Variants in GPC6 observed in about 807,000 individuals in gnomAD.
GPC6 encodes the protein glypican-6.
A neutral mutation model predicts 55.2 loss-of-function variants in GPC6; 14 were observed. That is an observed-to-expected ratio of 0.25 (90% CI 0.17 to 0.40). The LOEUF (loss-of-function observed/expected upper bound fraction) is 0.40, where lower values mean the gene tolerates loss of function less well. GPC6 is among the 10% of genes least tolerant of loss of function. The pLI, the probability that GPC6 is intolerant of heterozygous loss-of-function variation, is 1.00. For synonymous variants in GPC6, 278 were observed against 259.6 expected (o/e 1.07, Z -0.68); for missense variants, 641 against 708.5 (o/e 0.90, Z 1.08).
chr13:93,713,378 G>A (rs185147058), intron 2 of GPC6, among the ~76,000 whole-genome samples: 2 of 151,328 alleles, frequency 1.3e-5, no homozygotes, highest in Non-Finnish European at 3.0e-5. Context: ...CTTTTAAAAA[G>A]CCAATAAAAT....
intron 2 of GPC6, among the ~76,000 whole-genome samples, chr13:93,769,447 A>AG: frequency 6.6e-6 from 1 of 151,348 alleles, no homozygotes; most frequent in East Asian, 1.9e-4. Flanking sequence ...AAAAAAAAAA[A>AG]AGACAGCCCC....
At chr13:93,704,982 C>G (rs1304544949) in intron 2 of GPC6, among the ~76,000 whole-genome samples, 1 of 151,884 alleles carries the variant, frequency 6.6e-6, no homozygotes, top group African/African-American at 2.4e-5. Context: ...AGTCCCTGTT[C>G]CTTGGCCTGA....
intron 3 of GPC6, among the ~76,000 whole-genome samples, chr13:93,938,654 C>T (rs756505647): frequency 5.2e-4 from 79 of 152,088 alleles, no homozygotes; most frequent in Non-Finnish European, 8.4e-4. Context: ...GTTCTAAGAG[C>T]TTTTGGAGGT....
At chr13:93,862,867 C>T (rs1296464368) in intron 3 of GPC6, among the ~76,000 whole-genome samples, 1 of 151,504 alleles carries the variant, frequency 6.6e-6, no homozygotes, top group Non-Finnish European at 1.5e-5. Flanking sequence ...TTTTTTCTCT[C>T]TCTGGTTAGA....
rs944335448 is a variant in GPC6 at position 93,747,220 on chromosome 13, A to G, written c.320-82934A>G. On this transcript the variant is annotated intron_variant, in intron 2 of 8. Coordinates refer to ENST00000377047, the MANE Select transcript of GPC6 (RefSeq NM_005708.5). Reference sequence around the variant, plus strand: ...CATTAATAAAGTTTACAGAAAAGAAATTGGTGGAGGCCTTTGCCACTATCA... The same window carrying G: ...CATTAATAAAGTTTACAGAAAAGAAGTTGGTGGAGGCCTTTGCCACTATCA... Among the ~76,000 whole-genome samples the G allele has an allele frequency of 2.6e-5, 4 of 152,302 alleles. No individual in the cohort carries two copies. In the East Asian group the frequency reaches 7.7e-4, roughly 29 times the overall value.
At chr13:93,448,530 G>A (rs1220626000) in intron 1 of GPC6, among the ~76,000 whole-genome samples, 1 of 152,090 alleles carries the variant, frequency 6.6e-6, no homozygotes, top group African/African-American at 2.4e-5. Context: ...CTTTCATGGA[G>A]GATATTTTTC....
At chr13:93,433,824 G>GA (rs1403195186) in intron 1 of GPC6, among the ~76,000 whole-genome samples, 1 of 152,056 alleles carries the variant, frequency 6.6e-6, no homozygotes, top group Non-Finnish European at 1.5e-5. Context: ...CAGATTATAG[G>GA]ACATGAATTT....
intron 4 of GPC6, among the ~76,000 whole-genome samples, chr13:94,060,244 C>T (rs1884273892): frequency 1.3e-5 from 2 of 152,082 alleles, no homozygotes; most frequent in South Asian, 4.1e-4. Flanking sequence ...TTCTTTTATC[C>T]ATAGTACATA....
chr13:93,762,167 G>C (rs1884977005), intron 2 of GPC6, among the ~76,000 whole-genome samples: 1 of 152,082 alleles, frequency 6.6e-6, no homozygotes, highest in Admixed American at 6.6e-5. Flanking sequence ...CTTAATGTAA[G>C]GTTCATCCAT....
chr13:94,104,230 T>A (rs1030050493), intron 4 of GPC6, among the ~76,000 whole-genome samples: 1 of 152,182 alleles, frequency 6.6e-6, no homozygotes, highest in African/African-American at 2.4e-5. Flanking sequence ...TCTGTTCTGT[T>A]CCATTGGTCT....
chr13:94,278,076 T>A (rs560291928), intron 4 of GPC6, among the ~76,000 whole-genome samples: 2 of 152,342 alleles, frequency 1.3e-5, no homozygotes, highest in Admixed American at 1.3e-4. Flanking sequence ...GAGGATGGAA[T>A]GTTTTTCCAT....
Position 93,594,430 on chromosome 13 carries a change from G to T in GPC6, c.319+49009G>T, listed in dbSNP as rs115802404. 8.6e-5 allele frequency among the ~76,000 whole-genome samples: 13 copies of T among 151,880 alleles called. No individual in the cohort carries two copies. The East Asian group carries it at 2.5e-3, about 29-fold the overall frequency. ...TGAGTTATACCATTTTATACTTTTT[G>T]ATGTATATCATATAATAGTATAACT... On this transcript the variant is annotated intron_variant, in intron 2 of 8. Coordinates refer to ENST00000377047, the MANE Select transcript of GPC6 (RefSeq NM_005708.5).
intron 3 of GPC6, among the ~76,000 whole-genome samples, chr13:93,914,271 GTGTTCTCAT>G (rs1877172490): frequency 6.6e-6 from 1 of 151,430 alleles, no homozygotes. Context: ...CTGTGTCCAT[GTGTTCTCAT>G]TGTTCAATTG....
At chr13:94,068,343 C>G in intron 4 of GPC6, among the ~76,000 whole-genome samples, 1 of 152,154 alleles carries the variant, frequency 6.6e-6, no homozygotes, top group East Asian at 1.9e-4. Flanking sequence ...ATTGAATTAT[C>G]TCCCACCAGG....
At chr13:93,984,816 G>A (rs1002115745) in intron 3 of GPC6, among the ~76,000 whole-genome samples, 3 of 152,108 alleles carry the variant, frequency 2.0e-5, no homozygotes, top group Non-Finnish European at 4.4e-5. Flanking sequence ...TCATCTTTGT[G>A]TCATTATCTG....
chr13:94,064,886 A>G (rs987354564), intron 4 of GPC6, among the ~76,000 whole-genome samples: 4 of 152,114 alleles, frequency 2.6e-5, no homozygotes, highest in Non-Finnish European at 5.9e-5. Context: ...ATCTTCTCAA[A>G]TGCTCTCATT....
intron 4 of GPC6, among the ~76,000 whole-genome samples, chr13:94,051,776 C>G (rs1176399554): frequency 6.6e-6 from 1 of 152,066 alleles, no homozygotes; most frequent in Non-Finnish European, 1.5e-5. Flanking sequence ...TTGTCTTACT[C>G]TTTAGTTTCA....
chr13:93,653,472 A>G (rs1438494582), intron 2 of GPC6, among the ~76,000 whole-genome samples: 1 of 152,084 alleles, frequency 6.6e-6, no homozygotes, highest in Admixed American at 6.6e-5. Flanking sequence ...CATTTTCACA[A>G]GCATGCTTTC....
intron 4 of GPC6, among the ~76,000 whole-genome samples, chr13:94,196,520 C>G (rs1889581293): frequency 6.6e-6 from 1 of 152,194 alleles, no homozygotes; most frequent in African/African-American, 2.4e-5. Context: ...TGGTTTCAGA[C>G]TCTCAACACT....
Sources: gnomAD v4.1 joint callset for allele counts (sites outside exome capture counted in the v4.1 genomes callset) on GRCh38, gnomAD v4.1.1 for gene constraint, MANE v1.5 for transcripts, NCBI Gene and HGNC (gene_info 2026-07-23, HGNC 2026-07-21) for gene names.